KLHL1: variants seen among roughly 807,000 people sequenced by gnomAD.
The protein encoded by KLHL1 is kelch-like protein 1.
In KLHL1, 47 loss-of-function variants were observed where a neutral mutation model predicts 77.7. The ratio of observed to expected loss-of-function variants is 0.60; its 90% CI spans 0.48 to 0.77. The LOEUF is 0.77. Among genes scored for constraint, KLHL1 ranks in the 30% least tolerant of loss-of-function variants. The pLI, the probability that KLHL1 is intolerant of heterozygous loss-of-function variation, is 0.00. For missense variants in KLHL1, 925 were observed against 910.8 expected, an observed-to-expected ratio of 1.02 and a Z score of -0.20; for synonymous variants, 360 against 325.2, an observed-to-expected ratio of 1.11 and a Z score of -1.15.
chr13:69,757,736 G>A (rs75105467), intron 7 of KLHL1, among the ~76,000 whole-genome samples: 17,607 of 152,056 alleles, frequency 0.12, 1,271 homozygotes, highest in African/African-American at 0.19. Context: ...AGGATCACCT[G>A]AGGTCAGGAG....
At chr13:70,095,048 G>A (rs936654298) in intron 1 of KLHL1, among the ~76,000 whole-genome samples, 1 of 152,128 alleles carries the variant, frequency 6.6e-6, no homozygotes, top group Non-Finnish European at 1.5e-5. Flanking sequence ...TACTGTTGTA[G>A]CTCCTCCAAC....
At chr13:70,099,353 A>G (rs1484598606) in intron 1 of KLHL1, among the ~76,000 whole-genome samples, 1 of 151,846 alleles carries the variant, frequency 6.6e-6, no homozygotes, top group African/African-American at 2.4e-5. Flanking sequence ...AGTATTGGCA[A>G]TGAAGATAAA....
chr13:69,993,976 T>A (rs1743283852), intron 1 of KLHL1, among the ~76,000 whole-genome samples: 1 of 152,086 alleles, frequency 6.6e-6, no homozygotes, highest in Non-Finnish European at 1.5e-5. Flanking sequence ...ATTTGGGTCA[T>A]TAACTAGATG....
At chr13:69,917,158 G>C (rs1471334560) in intron 4 of KLHL1, among the ~76,000 whole-genome samples, 1 of 151,922 alleles carries the variant, frequency 6.6e-6, no homozygotes, top group Non-Finnish European at 1.5e-5. Flanking sequence ...AGAGTAAGCT[G>C]TAGCAAGTCA....
At chr13:69,873,378 T>C (rs529951480) in intron 5 of KLHL1, among the ~76,000 whole-genome samples, 5 of 152,308 alleles carry the variant, frequency 3.3e-5, no homozygotes, top group Admixed American at 2.6e-4. Context: ...TCAACAATTC[T>C]ATTCTCTCTC....
At chr13:69,767,382 G>T (rs1875358262) in intron 7 of KLHL1, among the ~76,000 whole-genome samples, 2 of 151,952 alleles carry the variant, frequency 1.3e-5, no homozygotes, top group South Asian at 4.2e-4. Context: ...CTCTTTTTTA[G>T]CAACCTCTCT....
At chr13:70,056,396 C>G (rs540672569) in intron 1 of KLHL1, among the ~76,000 whole-genome samples, 1 of 152,214 alleles carries the variant, frequency 6.6e-6, no homozygotes, top group Admixed American at 6.5e-5. Flanking sequence ...TAGCTGGTGA[C>G]TTCAACATCC....
At chr13:70,007,284 A>G (rs1885428751) in intron 1 of KLHL1, among the ~76,000 whole-genome samples, 1 of 152,068 alleles carries the variant, frequency 6.6e-6, no homozygotes, top group Non-Finnish European at 1.5e-5. Context: ...GAATTTAGAC[A>G]TTTTATAAGT....
At chr13:69,843,384 A>G (rs1322584609) in intron 5 of KLHL1, among the ~76,000 whole-genome samples, 1 of 151,704 alleles carries the variant, frequency 6.6e-6, no homozygotes, top group Non-Finnish European at 1.5e-5. Flanking sequence ...TAGGTTTTAG[A>G]AAAGTAGACT....
intron 5 of KLHL1, among the ~76,000 whole-genome samples, chr13:69,877,784 T>C (rs1226469780): frequency 6.6e-6 from 1 of 152,146 alleles, no homozygotes; most frequent in East Asian, 1.9e-4. Context: ...TACCTTGTCT[T>C]CCTTTCCTGA....
intron 2 of KLHL1, among the ~76,000 whole-genome samples, chr13:69,967,115 C>T (rs2501226): frequency 0.62 from 94,656 of 151,906 alleles, 29,533 homozygotes; most frequent in South Asian, 0.65. Context: ...TTCCTTTGGA[C>T]AGACACTCAG....
At chr13:69,777,515 A>G (rs1875892223) in intron 7 of KLHL1, among the ~76,000 whole-genome samples, 1 of 152,170 alleles carries the variant, frequency 6.6e-6, no homozygotes, top group African/African-American at 2.4e-5. Flanking sequence ...AAATACTTTC[A>G]TGAGATAATC....
chr13:69,787,686 T>C (rs1437351075), intron 7 of KLHL1, among the ~76,000 whole-genome samples: 4 of 152,142 alleles, frequency 2.6e-5, no homozygotes, highest in Admixed American at 6.5e-5. Context: ...AAAGAGCTTC[T>C]GCACAGCAAA....
chr13:69,926,231 C>T lies in KLHL1; in HGVS notation c.1014+13809G>A, dbSNP rs140203526. Among the ~76,000 whole-genome samples, 630 of 152,252 alleles carry T rather than the reference C, an allele frequency of 4.1e-3. 3 individuals are homozygous for T. The highest frequency in any genetic ancestry group is 6.5e-3 in the Non-Finnish European group (444 of 68,010). ...ATTGATCTGCAGAGTCAAAGGGTGG[C>T]ATATTGCCCACACCTAACCAGTCAG... On this transcript the variant is annotated intron_variant, in intron 4 of 10. Transcript: ENST00000377844.
At chr13:69,839,267 G>T in intron 5 of KLHL1, 105 bp from the exon 6 acceptor site, 1 of 713,462 alleles carries the variant, frequency 1.4e-6, no homozygotes, top group East Asian at 2.7e-5. Flanking sequence ...TCCTTATATT[G>T]AGCAGGATGC....
chr13:70,024,130 C>T (rs968565460), intron 1 of KLHL1, among the ~76,000 whole-genome samples: 7 of 151,626 alleles, frequency 4.6e-5, no homozygotes, highest in African/African-American at 1.5e-4. Context: ...ATGGCGTAGA[C>T]GATTGTTGAT....
intron 1 of KLHL1, among the ~76,000 whole-genome samples, chr13:69,999,304 G>A (rs1023860134): frequency 2.0e-5 from 3 of 151,956 alleles, no homozygotes; most frequent in South Asian, 2.1e-4. Flanking sequence ...ACCGGAAGGC[G>A]AAGATCATCG....
Position 70,017,378 on chromosome 13 carries a change from T to C in KLHL1, c.498-41576A>G, listed in dbSNP as rs373346968. Among the ~76,000 whole-genome samples, 93 of 152,316 alleles carry C rather than the reference T, an allele frequency of 6.1e-4. 2 individuals carry two copies. The highest frequency in any genetic ancestry group is 3.1e-4 in the Non-Finnish European group (21 of 68,026). On this transcript the variant is annotated intron_variant, in intron 1 of 10. Coordinates refer to ENST00000377844, the MANE Select transcript of KLHL1 (RefSeq NM_020866.3). ...TTGCATTCTCCTCATCCAGACACAATTGCCCACATCGGAAGCTGCATACAA... is the reference window on the plus strand; with the variant it reads ...TTGCATTCTCCTCATCCAGACACAACTGCCCACATCGGAAGCTGCATACAA...
At chr13:69,970,583 T>C (rs1269639407) in intron 2 of KLHL1, among the ~76,000 whole-genome samples, 2 of 151,744 alleles carry the variant, frequency 1.3e-5, no homozygotes, top group Non-Finnish European at 2.9e-5. Flanking sequence ...TGGAAGTCTA[T>C]GTGTTCCTGC....
Sources: gnomAD v4.1 joint callset for allele counts (sites outside exome capture counted in the v4.1 genomes callset) on GRCh38, gnomAD v4.1.1 for gene constraint, MANE v1.5 for transcripts, NCBI Gene and HGNC (gene_info 2026-07-23, HGNC 2026-07-21) for gene names.